The following GABRG3 variants were observed in gnomAD, a reference collection of about 807,000 sequenced individuals.
GABRG3 encodes gamma-aminobutyric acid type A receptor subunit gamma3, also known as gamma-aminobutyric acid receptor subunit gamma-3.
GABRG3 carries 25 observed loss-of-function variants against 48.8 expected under a neutral mutation model. The observed-to-expected ratio is 0.51, with a 90% CI of 0.37 to 0.72. The LOEUF (loss-of-function observed/expected upper bound fraction) is 0.72. GABRG3 is among the 30% of genes least tolerant of loss of function. The probability of loss-of-function intolerance (pLI) is 0.00; values close to 1 mark genes in which losing one functional copy is unlikely to be tolerated. For synonymous variants in GABRG3, 227 were observed against 217.6 expected, an observed-to-expected ratio of 1.04 and a Z score of -0.38; for missense variants, 394 against 577.9, an observed-to-expected ratio of 0.68 and a Z score of 3.26.
chr15:27,494,950 T>C (rs1326092256), intron 6 of GABRG3, among the ~76,000 whole-genome samples: 1 of 152,184 alleles, frequency 6.6e-6, no homozygotes, highest in Non-Finnish European at 1.5e-5. Flanking sequence ...TTTTCCTCTT[T>C]CCTGAAGTGT....
intron 5 of GABRG3, among the ~76,000 whole-genome samples, chr15:27,415,454 A>G (rs545917766): frequency 6.6e-6 from 1 of 152,124 alleles, no homozygotes; most frequent in African/African-American, 2.4e-5. Context: ...TACTTTATCC[A>G]TTAGATCTCT....
intron 5 of GABRG3, among the ~76,000 whole-genome samples, chr15:27,372,998 A>G (rs1267437615): frequency 2.6e-5 from 4 of 152,142 alleles, no homozygotes; most frequent in African/African-American, 4.8e-5. Flanking sequence ...AGTTTTCTTC[A>G]CCTACAAAAT....
intron 3 of GABRG3, among the ~76,000 whole-genome samples, chr15:27,094,659 AT>A (rs1897243811): frequency 6.6e-6 from 1 of 152,164 alleles, no homozygotes; most frequent in South Asian, 2.1e-4. Flanking sequence ...TGTCACCTAC[AT>A]TTGCAGAGAT....
chr15:27,005,694 T>A (rs940034255), intron 2 of GABRG3, among the ~76,000 whole-genome samples: 4 of 152,074 alleles, frequency 2.6e-5, no homozygotes, highest in Non-Finnish European at 5.9e-5. Context: ...ATAGGAGCAG[T>A]CGGAATTTGG....
intron 3 of GABRG3, among the ~76,000 whole-genome samples, chr15:27,168,233 C>T (rs568315999): frequency 4.6e-5 from 7 of 152,140 alleles, no homozygotes; most frequent in African/African-American, 1.7e-4. Context: ...TGAGAATGTG[C>T]TCATGCAGTG....
chr15:27,320,275 G>A (rs990441469), intron 3 of GABRG3, among the ~76,000 whole-genome samples: 2 of 152,166 alleles, frequency 1.3e-5, no homozygotes, highest in African/African-American at 4.8e-5. Context: ...CTTTTATTAA[G>A]GGCAGGTGAT....
intron 6 of GABRG3, among the ~76,000 whole-genome samples, chr15:27,490,971 A>G (rs1196598209): frequency 4.7e-5 from 7 of 149,926 alleles, no homozygotes; most frequent in South Asian, 2.1e-4. Context: ...GTCATACTAC[A>G]TTGGACTTAG....
intron 5 of GABRG3, among the ~76,000 whole-genome samples, chr15:27,350,762 C>T (rs922888951): frequency 8.5e-5 from 13 of 152,156 alleles, no homozygotes; most frequent in African/African-American, 2.9e-4. Flanking sequence ...AGACACCTGG[C>T]ACTGGCCTGG....
chr15:27,355,191 T>A (rs977786502), intron 5 of GABRG3, among the ~76,000 whole-genome samples: 2 of 152,336 alleles, frequency 1.3e-5, no homozygotes, highest in East Asian at 3.9e-4. Flanking sequence ...TAGTGATCTT[T>A]AGTCTGTAAC....
At chr15:27,048,281 T>A (rs1267349950) in intron 3 of GABRG3, among the ~76,000 whole-genome samples, 2 of 152,080 alleles carry the variant, frequency 1.3e-5, no homozygotes, top group Admixed American at 1.3e-4. Context: ...TGACATGGTT[T>A]GTGTGCCAGC....
chr15:27,431,627 T>C (rs1888456713), intron 5 of GABRG3, among the ~76,000 whole-genome samples: 1 of 152,194 alleles, frequency 6.6e-6, no homozygotes, highest in Non-Finnish European at 1.5e-5. Flanking sequence ...TTTTGCACCA[T>C]TCCATTTGCT....
chr15:27,019,530 A>G (rs1192549211), intron 2 of GABRG3, among the ~76,000 whole-genome samples: 1 of 152,206 alleles, frequency 6.6e-6, no homozygotes, highest in Non-Finnish European at 1.5e-5. Context: ...ATGCTACTGC[A>G]TACTGATTAA....
intron 3 of GABRG3, among the ~76,000 whole-genome samples, chr15:27,132,482 T>TTG (rs1897935504): frequency 6.8e-6 from 1 of 146,150 alleles, no homozygotes; most frequent in African/African-American, 2.5e-5. Flanking sequence ...TTTTTTTTTT[T>TTG]TTTTTTTTTT....
At chr15:27,449,723 G>A (rs62003774) in intron 5 of GABRG3, among the ~76,000 whole-genome samples, 20 of 152,200 alleles carry the variant, frequency 1.3e-4, no homozygotes, top group Non-Finnish European at 2.4e-4. Context: ...TGTTGGCATG[G>A]TTAATGACAA....
At chr15:27,090,405 G>A (rs1485238875) in intron 3 of GABRG3, among the ~76,000 whole-genome samples, 3 of 152,178 alleles carry the variant, frequency 2.0e-5, no homozygotes, top group Non-Finnish European at 4.4e-5. Context: ...CCTGCGTTTA[G>A]GAGTGGAATT....
At chr15:27,130,424 C>A (rs972286527) in intron 3 of GABRG3, among the ~76,000 whole-genome samples, 1 of 152,058 alleles carries the variant, frequency 6.6e-6, no homozygotes, top group African/African-American at 2.4e-5. Context: ...TATATAATTA[C>A]CATACTTTTT....
At chr15:27,261,975 A>G (rs1890783158) in intron 3 of GABRG3, among the ~76,000 whole-genome samples, 1 of 152,122 alleles carries the variant, frequency 6.6e-6, no homozygotes, top group Admixed American at 6.5e-5. Flanking sequence ...TTTACTCTTT[A>G]TGGTTTCTTT....
chr15:27,219,091 C>T (rs184536151), intron 3 of GABRG3, among the ~76,000 whole-genome samples: 2,322 of 152,282 alleles, frequency 0.015, 51 homozygotes, highest in Non-Finnish European at 0.013. Flanking sequence ...GCCCCAAGTC[C>T]TAGCTTCTTC....
At chr15:27,012,202 TTTTC>T (rs773600629) in intron 2 of GABRG3, among the ~76,000 whole-genome samples, 98 of 152,312 alleles carry the variant, frequency 6.4e-4, no homozygotes, top group Non-Finnish European at 1.3e-3. Flanking sequence ...GCTAATATGT[TTTTC>T]TTTCAGTACT....
Sources: allele counts gnomAD v4.1 joint callset (sites outside exome capture counted in the v4.1 genomes callset), GRCh38; gene constraint gnomAD v4.1.1; transcripts MANE v1.5; gene names NCBI Gene and HGNC (gene_info 2026-07-23, HGNC 2026-07-21).